The following KIAA0319L variants were observed in gnomAD, a reference collection of about 807,000 sequenced individuals.
KIAA0319L encodes the protein KIAA0319 like.
Under a neutral mutation model 120.1 loss-of-function variants are expected in KIAA0319L, and 55 were observed. The observed-to-expected ratio is 0.46, with a 90% CI of 0.37 to 0.57. KIAA0319L has a LOEUF of 0.57. Ranked by LOEUF, KIAA0319L falls within the 20% of genes least tolerant of loss-of-function variation. The pLI is 0.00. For missense variants in KIAA0319L, 1,049 were observed against 1,255.3 expected (o/e 0.84, Z 2.48); for synonymous variants, 398 against 471.9 (o/e 0.84, Z 2.03).
intron 3 of KIAA0319L, among the ~76,000 whole-genome samples, chr1:35,502,113 C>T (rs1645029109): frequency 6.6e-6 from 1 of 151,520 alleles, no homozygotes; most frequent in South Asian, 2.1e-4. Flanking sequence ...GCCATCTCTA[C>T]TAAAAATACA....
Position 35,488,668 on chromosome 1 carries a change from C to T in KIAA0319L, c.667-9456G>A, listed in dbSNP as rs149038136. 2.3e-3 allele frequency among the ~76,000 whole-genome samples: 351 copies of T among 152,030 alleles called. 4 individuals carry two copies. Among genetic ancestry groups the T allele is most frequent in the Non-Finnish European group, 1.1e-3 (73 of 67,960 alleles). On this transcript the variant is annotated intron_variant, in intron 3 of 20. Coordinates refer to ENST00000325722, the MANE Select transcript of KIAA0319L (RefSeq NM_024874.5). The stretch of plus-strand genomic sequence containing the variant: ...CAAAGGCTGTAAGCTGATAAAAGGA[C>T]CAACAAAATTGACTAAGAAGGAATC...
intron 2 of KIAA0319L, chr1:35,511,301 A>C (rs570056510): frequency 2.0e-5 from 3 of 152,348 alleles, no homozygotes; most frequent in African/African-American, 7.2e-5. Flanking sequence ...ACCTTTCACT[A>C]TAAGAAATGT....
At chr1:35,436,571 C>T (rs1640806830) in intron 20 of KIAA0319L, among the ~76,000 whole-genome samples, 2 of 152,186 alleles carry the variant, frequency 1.3e-5, no homozygotes, top group African/African-American at 4.8e-5. Flanking sequence ...CTTCCCAAAG[C>T]CCCTCTGGCT....
intron 6 of KIAA0319L, among the ~76,000 whole-genome samples, chr1:35,467,575 C>T (rs1343956357): frequency 6.6e-6 from 1 of 152,160 alleles, no homozygotes; most frequent in Non-Finnish European, 1.5e-5. Context: ...CTTCAAGGAG[C>T]TCATATTTCA....
chr1:35,518,812 T>C (rs1215043903), intron 2 of KIAA0319L, among the ~76,000 whole-genome samples: 1 of 152,060 alleles, frequency 6.6e-6, no homozygotes, highest in Non-Finnish European at 1.5e-5. Flanking sequence ...GAGACCAGCC[T>C]AGCCAACATA....
chr1:35,467,800 T>C (rs1450135254), intron 6 of KIAA0319L, among the ~76,000 whole-genome samples: 1 of 152,110 alleles, frequency 6.6e-6, no homozygotes, highest in Admixed American at 6.5e-5. Flanking sequence ...GTGATTCTCA[T>C]GCCTTAGCCT....
intron 2 of KIAA0319L, among the ~76,000 whole-genome samples, chr1:35,547,449 G>A (rs1195664037): frequency 1.3e-5 from 2 of 151,738 alleles, no homozygotes; most frequent in Non-Finnish European, 2.9e-5. Context: ...AATGTTAAGA[G>A]CAACATTGTT....
At chr1:35,546,291 G>C (rs527486766) in intron 2 of KIAA0319L, among the ~76,000 whole-genome samples, 1 of 152,288 alleles carries the variant, frequency 6.6e-6, no homozygotes, top group South Asian at 2.1e-4. Flanking sequence ...ACAAAACAAA[G>C]CATGGTGTAA....
At chr1:35,497,099 T>C (rs1644838947) in intron 3 of KIAA0319L, among the ~76,000 whole-genome samples, 1 of 151,888 alleles carries the variant, frequency 6.6e-6, no homozygotes, top group South Asian at 2.1e-4. Flanking sequence ...TGCAAATTTA[T>C]AGAGACAGCA....
At chr1:35,545,075 C>T (rs943201115) in intron 2 of KIAA0319L, among the ~76,000 whole-genome samples, 1 of 152,088 alleles carries the variant, frequency 6.6e-6, no homozygotes, top group Non-Finnish European at 1.5e-5. Context: ...AGAAAGGGGG[C>T]CCCAGAAGTC....
At chr1:35,538,369 T>C (rs1043995841) in intron 2 of KIAA0319L, among the ~76,000 whole-genome samples, 1 of 151,954 alleles carries the variant, frequency 6.6e-6, no homozygotes, top group Non-Finnish European at 1.5e-5. Context: ...GGCTGGCGGA[T>C]TGCCTGAGGT....
chr1:35,484,795 TA>T (rs1558439740), intron 3 of KIAA0319L, among the ~76,000 whole-genome samples: 789 of 59,654 alleles, frequency 0.013, 24 homozygotes, highest in East Asian at 0.049. Flanking sequence ...TATATATATA[TA>T]TATATATATA....
chr1:35,440,828 C>G lies in KIAA0319L; in HGVS notation c.2962+219G>C, dbSNP rs1419930407. 4 of 563,990 alleles carry G rather than the reference C, an allele frequency of 7.1e-6. No individual in the cohort carries two copies. In the Admixed American group the frequency reaches 1.2e-4, roughly 17 times the overall value. 34.9% of individuals were successfully genotyped at this position (563,990 alleles called of 1,614,324 possible). A position where few individuals can be genotyped will look rare whatever the true frequency, so the allele number is the denominator to read the frequency against. On this transcript the variant is annotated intron_variant, in intron 20 of 20. Coordinates refer to ENST00000325722, the MANE Select transcript of KIAA0319L (RefSeq NM_024874.5). ...CAAAGGAAAACAACAGGCCCAGCAC[C>G]CCCGCCAAGCGGAAGTAGCACGCGA...
intron 6 of KIAA0319L, among the ~76,000 whole-genome samples, chr1:35,469,723 C>T (rs1228001473): frequency 6.6e-6 from 1 of 151,920 alleles, no homozygotes; most frequent in Non-Finnish European, 1.5e-5. Context: ...TACCTGCTTC[C>T]TATCAGTATC....
Position 35,476,769 on chromosome 1 carries a change from C to A in KIAA0319L, c.914-1863G>T, listed in dbSNP as rs551233246. 9.8e-5 allele frequency among the ~76,000 whole-genome samples: 15 copies of A among 152,296 alleles called. No homozygotes were observed. In the East Asian group the frequency reaches 2.9e-3, roughly 29 times the overall value. On this transcript the variant is annotated intron_variant, in intron 4 of 20. Transcript: ENST00000325722. Reference sequence around the variant, plus strand: ...CCTCATGATTGAACCCCTAAAATTTCATGTTCTATTACTACCAAAGGACAC... The same window carrying A: ...CCTCATGATTGAACCCCTAAAATTTAATGTTCTATTACTACCAAAGGACAC...
intron 10 of KIAA0319L, 91 bp downstream of exon 10, chr1:35,455,922 G>C: frequency 2.0e-6 from 2 of 996,010 alleles, no homozygotes; most frequent in Non-Finnish European, 3.0e-6. Flanking sequence ...GGCCCCTAAA[G>C]CTTTCTCAGT....
chr1:35,528,596 T>C (rs1326453411), intron 2 of KIAA0319L, among the ~76,000 whole-genome samples: 1 of 152,222 alleles, frequency 6.6e-6, no homozygotes, highest in African/African-American at 2.4e-5. Flanking sequence ...TTGCAGTTGG[T>C]AGATGAAATG....
chr1:35,444,101 C>G (rs1257627543), intron 17 of KIAA0319L, 60 bp downstream of exon 17: 27 of 1,431,158 alleles, frequency 1.9e-5, no homozygotes, highest in Non-Finnish European at 2.6e-5. Flanking sequence ...CAGAAAGGAC[C>G]AATGGGTGAG....
At chr1:35,491,512 C>T (rs1178852706) in intron 3 of KIAA0319L, among the ~76,000 whole-genome samples, 1 of 152,052 alleles carries the variant, frequency 6.6e-6, no homozygotes, top group Non-Finnish European at 1.5e-5. Flanking sequence ...GATATCTCAA[C>T]TGAAACAATG....
Sources: gnomAD v4.1 joint callset for allele counts (sites outside exome capture counted in the v4.1 genomes callset) on GRCh38, gnomAD v4.1.1 for gene constraint, MANE v1.5 for transcripts, NCBI Gene and HGNC (gene_info 2026-07-23, HGNC 2026-07-21) for gene names.